ZMAT4: variants seen among roughly 807,000 people sequenced by gnomAD.
ZMAT4 encodes zinc finger matrin-type 4, also known as zinc finger matrin-type protein 4.
ZMAT4 carries 17 observed loss-of-function variants against 28.7 expected under a neutral mutation model. The ratio of observed to expected loss-of-function variants is 0.59; its 90% confidence interval spans 0.41 to 0.89. ZMAT4 has a LOEUF of 0.89. Ranked by LOEUF, ZMAT4 falls within the 40% of genes least tolerant of loss-of-function variation. ZMAT4 has a pLI of 0.00. For missense variants in ZMAT4, 240 were observed against 283.8 expected, an observed-to-expected ratio of 0.85 and a Z score of 1.11; for synonymous variants, 117 against 109.2, an observed-to-expected ratio of 1.07 and a Z score of -0.44.
At chr8:40,566,422 T>C (rs927054375) in intron 6 of ZMAT4, among the ~76,000 whole-genome samples, 6 of 152,150 alleles carry the variant, frequency 3.9e-5, no homozygotes, top group African/African-American at 1.4e-4. Flanking sequence ...CCTGACCTCC[T>C]TCCTATTACC....
intron 6 of ZMAT4, among the ~76,000 whole-genome samples, chr8:40,537,935 G>A (rs1467020731): frequency 6.6e-6 from 1 of 152,154 alleles, no homozygotes; most frequent in African/African-American, 2.4e-5. Flanking sequence ...GGTCTGCAAA[G>A]TGCTAGGCTT....
At chr8:40,823,391 G>T (rs1161846426) in intron 2 of ZMAT4, among the ~76,000 whole-genome samples, 2 of 152,174 alleles carry the variant, frequency 1.3e-5, no homozygotes, top group East Asian at 3.8e-4. Context: ...GGACACGGTG[G>T]CTCGCACCTA....
At chr8:40,616,802 G>T (rs1806024493) in intron 5 of ZMAT4, among the ~76,000 whole-genome samples, 1 of 151,696 alleles carries the variant, frequency 6.6e-6, no homozygotes, top group South Asian at 2.1e-4. Flanking sequence ...CGAGTTAATG[G>T]GTGCAGCACA....
At chr8:40,756,580 C>A (rs1330965894) in intron 3 of ZMAT4, among the ~76,000 whole-genome samples, 3 of 149,898 alleles carry the variant, frequency 2.0e-5, no homozygotes, top group East Asian at 2.0e-4. Flanking sequence ...TATGGGATAT[C>A]TTTACAATGA....
chr8:40,886,552 C>A (rs533799325), intron 1 of ZMAT4, among the ~76,000 whole-genome samples: 1 of 152,324 alleles, frequency 6.6e-6, no homozygotes, highest in East Asian at 1.9e-4. Context: ...AATGCTTAAA[C>A]ATCTGAAAAC....
intron 5 of ZMAT4, among the ~76,000 whole-genome samples, chr8:40,652,642 A>G (rs1195490909): frequency 3.3e-5 from 4 of 122,240 alleles, no homozygotes; most frequent in Admixed American, 9.1e-5. Flanking sequence ...ACGTATGTTT[A>G]TAGCGGCATT....
intron 5 of ZMAT4, among the ~76,000 whole-genome samples, chr8:40,634,244 C>G (rs1254343779): frequency 1.3e-5 from 2 of 152,170 alleles, no homozygotes; most frequent in Admixed American, 1.3e-4. Context: ...CACAACGGAG[C>G]TTTAAACAGC....
At chr8:40,759,758 C>T (rs1381473116) in intron 3 of ZMAT4, among the ~76,000 whole-genome samples, 1 of 152,166 alleles carries the variant, frequency 6.6e-6, no homozygotes, top group Non-Finnish European at 1.5e-5. Flanking sequence ...TGAGCTCCTG[C>T]TTCTGGAAAA....
intron 1 of ZMAT4, among the ~76,000 whole-genome samples, chr8:40,851,303 G>A (rs1817098405): frequency 6.6e-6 from 1 of 152,130 alleles, no homozygotes; most frequent in African/African-American, 2.4e-5. Context: ...TCTCCAGCCT[G>A]AGTGATAAGA....
chr8:40,590,841 G>C (rs1298562253), intron 5 of ZMAT4, among the ~76,000 whole-genome samples: 2 of 151,744 alleles, frequency 1.3e-5, no homozygotes, highest in Non-Finnish European at 2.9e-5. Context: ...TTCTCTTTCT[G>C]TTTGATTACT....
intron 5 of ZMAT4, among the ~76,000 whole-genome samples, chr8:40,632,365 T>C (rs1585787059): frequency 6.6e-6 from 1 of 152,246 alleles, no homozygotes; most frequent in South Asian, 2.1e-4. Flanking sequence ...TTATTACTAG[T>C]TGGTAATGTG....
chr8:40,580,202 C>T (rs956680838), intron 6 of ZMAT4, among the ~76,000 whole-genome samples: 17 of 151,662 alleles, frequency 1.1e-4, no homozygotes, highest in Admixed American at 5.3e-4. Context: ...TTAGTAGAGA[C>T]GGGGTTTCAC....
intron 1 of ZMAT4, among the ~76,000 whole-genome samples, chr8:40,835,952 T>C (rs1443266786): frequency 6.6e-6 from 1 of 152,112 alleles, no homozygotes; most frequent in Admixed American, 6.5e-5. Context: ...CATGTAAAAG[T>C]ATGTAGAGTG....
At chr8:40,789,553 A>G (rs891237359) in intron 2 of ZMAT4, among the ~76,000 whole-genome samples, 5 of 152,200 alleles carry the variant, frequency 3.3e-5, no homozygotes, top group African/African-American at 1.2e-4. Flanking sequence ...AATAACTAGG[A>G]GAGTATAATT....
intron 3 of ZMAT4, among the ~76,000 whole-genome samples, chr8:40,715,492 C>T (rs74376796): frequency 0.056 from 8,543 of 152,166 alleles, 797 homozygotes; most frequent in African/African-American, 0.19. Flanking sequence ...TATATATATA[C>T]ATCTGATTAT....
chr8:40,609,722 C>T (rs1167980426), intron 5 of ZMAT4, among the ~76,000 whole-genome samples: 1 of 151,738 alleles, frequency 6.6e-6, no homozygotes, highest in African/African-American at 2.4e-5. Context: ...TTCTTGATTT[C>T]TTGATGGAAA....
chr8:40,803,055 T>C (rs1273690517), intron 2 of ZMAT4, among the ~76,000 whole-genome samples: 1 of 151,990 alleles, frequency 6.6e-6, no homozygotes, highest in East Asian at 1.9e-4. Context: ...GACCTTACAT[T>C]CTCCACAAAA....
intron 5 of ZMAT4, among the ~76,000 whole-genome samples, chr8:40,608,838 G>A (rs993683507): frequency 6.6e-6 from 1 of 152,170 alleles, no homozygotes; most frequent in African/African-American, 2.4e-5. Flanking sequence ...ATCCTCCCAT[G>A]ATCTGGACCA....
At chr8:40,844,590 C>T (rs1319713655) in intron 1 of ZMAT4, among the ~76,000 whole-genome samples, 12 of 151,876 alleles carry the variant, frequency 7.9e-5, no homozygotes, top group Admixed American at 7.9e-4. Flanking sequence ...AAATAAATCT[C>T]ATATATGTAT....
Sources: gnomAD v4.1 joint callset for allele counts (sites outside exome capture counted in the v4.1 genomes callset) on GRCh38, gnomAD v4.1.1 for gene constraint, MANE v1.5 for transcripts, NCBI Gene and HGNC (gene_info 2026-07-23, HGNC 2026-07-21) for gene names.